The following ATP8B1 variants were observed in gnomAD, a reference collection of about 807,000 sequenced individuals.
ATP8B1 encodes phospholipid-transporting ATPase IC.
ATP8B1 carries 80 observed loss-of-function variants against 149.9 expected under a neutral mutation model. The observed-to-expected ratio is 0.53, with a 90% CI of 0.45 to 0.64. The LOEUF is 0.64. Ranked by LOEUF, ATP8B1 falls within the 30% of genes least tolerant of loss-of-function variation. The pLI is 0.00. For synonymous variants in ATP8B1, 536 were observed against 562.8 expected (o/e 0.95, Z 0.67); for missense variants, 1,247 against 1,552.6 (o/e 0.80, Z 3.31).
intron 1 of ATP8B1, among the ~76,000 whole-genome samples, chr18:57,739,793 A>G (rs978039879): frequency 1.1e-4 from 17 of 152,116 alleles, no homozygotes; most frequent in African/African-American, 3.9e-4. Context: ...CCATCCAAAA[A>G]CCATTGTCCA....
chr18:57,651,756 C>T (rs1909633628), intron 26 of ATP8B1, among the ~76,000 whole-genome samples: 1 of 151,944 alleles, frequency 6.6e-6, no homozygotes, highest in Non-Finnish European at 1.5e-5. Flanking sequence ...TTCAGCCTCT[C>T]CAGTAGCTAG....
chr18:57,742,526 C>G (rs1408022418), intron 1 of ATP8B1, among the ~76,000 whole-genome samples: 1 of 152,088 alleles, frequency 6.6e-6, no homozygotes, highest in African/African-American at 2.4e-5. Flanking sequence ...CCCCAGAGCC[C>G]TTTCTCACAA....
At chr18:57,768,966 T>C (rs2080242790) in intron 1 of ATP8B1, among the ~76,000 whole-genome samples, 1 of 152,196 alleles carries the variant, frequency 6.6e-6, no homozygotes, top group Non-Finnish European at 1.5e-5. Context: ...CCAGCCTAGA[T>C]AAACAGAGCC....
chr18:57,698,765 T>C (rs1455372158), intron 6 of ATP8B1, among the ~76,000 whole-genome samples: 1 of 152,252 alleles, frequency 6.6e-6, no homozygotes, highest in Non-Finnish European at 1.5e-5. Context: ...CAACTTGTGT[T>C]TACACAGCCC....
chr18:57,668,555 A>AAAAC lies in ATP8B1; in HGVS notation c.2098-16_2098-15insGTTT. 1 of 1,269,920 alleles carries AAAAC rather than the reference A, an allele frequency of 7.9e-7. No homozygotes were observed. 78.7% of individuals were successfully genotyped at this position (1,269,920 alleles called of 1,614,324 possible). On this transcript the variant is annotated splice_polypyrimidine_tract_variant and intron_variant, in intron 18 of 27. Coordinates refer to ENST00000648908, the MANE Select transcript of ATP8B1 (RefSeq NM_001374385.1). ...GCTCCCAGGAGCTAGAATGTATATT[A>AAAAC]AAAAAAAAAAAAAAAGGAATTAGCA...
At chr18:57,781,383 G>A (rs561334899) in intron 1 of ATP8B1, among the ~76,000 whole-genome samples, 1 of 152,298 alleles carries the variant, frequency 6.6e-6, no homozygotes, top group South Asian at 2.1e-4. Flanking sequence ...CTGCAGAGTT[G>A]TTAAAATCAT....
At chr18:57,750,950 C>G (rs894926325) in intron 1 of ATP8B1, among the ~76,000 whole-genome samples, 36 of 152,252 alleles carry the variant, frequency 2.4e-4, no homozygotes, top group Middle Eastern at 3.4e-3. Flanking sequence ...GAAACTCTGT[C>G]TCTAGTAAAA....
chr18:57,774,616 T>C (rs1486075843), intron 1 of ATP8B1, among the ~76,000 whole-genome samples: 1 of 138,636 alleles, frequency 7.2e-6, no homozygotes, highest in African/African-American at 2.7e-5. Context: ...ATAAAATTTA[T>C]TTATTAATAA....
At chr18:57,795,299 A>G (rs1371443652) in intron 1 of ATP8B1, among the ~76,000 whole-genome samples, 1 of 151,796 alleles carries the variant, frequency 6.6e-6, no homozygotes, top group African/African-American at 2.4e-5. Flanking sequence ...GACATTTGGG[A>G]GGCTGAAGCG....
At chr18:57,659,607 A>T (rs549001883) in intron 22 of ATP8B1, 1 of 151,344 alleles carries the variant, frequency 6.6e-6, no homozygotes, top group Non-Finnish European at 1.5e-5. Flanking sequence ...AAAGAGATAG[A>T]TCTAACTCCG....
At chr18:57,697,532 C>T (rs756224394) in intron 8 of ATP8B1, 86 bp downstream of exon 8, 325 of 1,402,624 alleles carry the variant, frequency 2.3e-4, no homozygotes, top group Non-Finnish European at 3.1e-4. Flanking sequence ...GATATCAAGC[C>T]GTCTGGTCCA....
chr18:57,738,058 C>CAGGG, intron 1 of ATP8B1: 1 of 152,218 alleles, frequency 6.6e-6, no homozygotes, highest in Admixed American at 6.5e-5. Context: ...GAAAAAAAAA[C>CAGGG]AGGGAGAAAT....
chr18:57,654,144 A>G (rs1489175239), intron 23 of ATP8B1, 69 bp from the exon 24 acceptor site: 1 of 1,278,852 alleles, frequency 7.8e-7, no homozygotes, highest in South Asian at 1.2e-5. Context: ...GCACATACTC[A>G]TCTGCTTCCT....
chr18:57,680,611 AAAAC>A (rs759123201), intron 15 of ATP8B1, among the ~76,000 whole-genome samples: 23 of 147,270 alleles, frequency 1.6e-4, no homozygotes, highest in African/African-American at 2.8e-4. Context: ...AAAACAAAAC[AAAAC>A]AAAAAAAAAA....
At chr18:57,799,410 C>T (rs2080550518) in intron 1 of ATP8B1, among the ~76,000 whole-genome samples, 1 of 152,198 alleles carries the variant, frequency 6.6e-6, no homozygotes, top group African/African-American at 2.4e-5. Flanking sequence ...AAAAAGTTAT[C>T]TGTTTTTTAA....
intron 4 of ATP8B1, among the ~76,000 whole-genome samples, chr18:57,703,689 G>C (rs1913242695): frequency 6.6e-6 from 1 of 152,080 alleles, no homozygotes; most frequent in African/African-American, 2.4e-5. Flanking sequence ...AGTGTGTGTA[G>C]AGTTCCCTCG....
intron 1 of ATP8B1, among the ~76,000 whole-genome samples, chr18:57,792,450 A>C (rs2080472636): frequency 6.6e-6 from 1 of 152,082 alleles, no homozygotes; most frequent in Non-Finnish European, 1.5e-5. Flanking sequence ...ACCCGACCGT[A>C]ATATACATGA....
intron 1 of ATP8B1, among the ~76,000 whole-genome samples, chr18:57,793,371 C>A (rs561135202): frequency 2.0e-5 from 3 of 152,166 alleles, no homozygotes; most frequent in South Asian, 4.2e-4. Flanking sequence ...TCCTGGCGGA[C>A]ACTACCACCC....
chr18:57,801,847 C>T (rs1261044599), intron 1 of ATP8B1: 1 of 152,262 alleles, frequency 6.6e-6, no homozygotes, highest in Non-Finnish European at 1.5e-5. Flanking sequence ...TCGGCGGCGT[C>T]TGGAGCTACC....
Sources: allele counts gnomAD v4.1 joint callset (sites outside exome capture counted in the v4.1 genomes callset), GRCh38; gene constraint gnomAD v4.1.1; transcripts MANE v1.5; gene names NCBI Gene and HGNC (gene_info 2026-07-23, HGNC 2026-07-21).